The following C10orf67 variants were observed in gnomAD, a reference collection of about 807,000 sequenced individuals.
C10orf67 encodes chromosome 10 open reading frame 67.
Under a neutral mutation model 35.6 loss-of-function variants are expected in C10orf67, and 60 were observed. The ratio of observed to expected loss-of-function variants is 1.68; its 90% CI spans 1.37 to 2.09. C10orf67 has a LOEUF of 2.09. Among genes scored for constraint, C10orf67 ranks in the 30% most tolerant of loss-of-function variants. C10orf67 has a pLI of 0.00. For synonymous variants in C10orf67, 167 were observed against 115.8 expected (o/e 1.44, Z -2.84); for missense variants, 474 against 330.2 (o/e 1.44, Z -3.38).
At chr10:23,334,458 A>T (rs746824624) in intron 1 of C10orf67, among the ~76,000 whole-genome samples, 10 of 152,248 alleles carry the variant, frequency 6.6e-5, no homozygotes, top group Non-Finnish European at 1.5e-4. Flanking sequence ...CAAAGGCAGA[A>T]TGTCTGTGCT....
intron 15 of C10orf67, among the ~76,000 whole-genome samples, chr10:23,213,855 C>T (rs1841371168): frequency 6.6e-6 from 1 of 151,300 alleles, no homozygotes; most frequent in South Asian, 2.1e-4. Context: ...CCAAATATAT[C>T]AATAATCACA....
intron 7 of C10orf67, among the ~76,000 whole-genome samples, chr10:23,284,734 A>G (rs907008362): frequency 2.0e-5 from 3 of 152,022 alleles, no homozygotes; most frequent in Non-Finnish European, 4.4e-5. Flanking sequence ...AAAACCTAAA[A>G]AATCAGCTCC....
At chr10:23,284,341 T>C (rs1843464872) in intron 7 of C10orf67, among the ~76,000 whole-genome samples, 1 of 151,944 alleles carries the variant, frequency 6.6e-6, no homozygotes, top group Admixed American at 6.6e-5. Context: ...TCAGGCTTTA[T>C]GCATTCATAC....
intron 8 of C10orf67, among the ~76,000 whole-genome samples, chr10:23,279,974 C>T (rs1333785696): frequency 1.3e-5 from 2 of 152,026 alleles, no homozygotes; most frequent in African/African-American, 4.8e-5. Flanking sequence ...TCCCACCTAG[C>T]CTCCTGAGTA....
chr10:23,329,836 T>G (rs1845375664), intron 2 of C10orf67, among the ~76,000 whole-genome samples: 1 of 123,330 alleles, frequency 8.1e-6, no homozygotes, highest in Non-Finnish European at 1.8e-5. Flanking sequence ...AGAAAAAAAT[T>G]ATAGGGCAAT....
At chr10:23,246,689 G>A (rs1221058888) in intron 12 of C10orf67, among the ~76,000 whole-genome samples, 1 of 152,134 alleles carries the variant, frequency 6.6e-6, no homozygotes, top group Non-Finnish European at 1.5e-5. Flanking sequence ...GTAACGTCTT[G>A]ACAATCCTGA....
intron 4 of C10orf67, among the ~76,000 whole-genome samples, chr10:23,320,448 A>G (rs534349047): frequency 1.1e-4 from 16 of 152,218 alleles, no homozygotes; most frequent in Non-Finnish European, 2.2e-4. Context: ...CTCTCTTAGG[A>G]CCATCTGACC....
chr10:23,247,836 G>T (rs1215711000), intron 12 of C10orf67, among the ~76,000 whole-genome samples: 1 of 152,210 alleles, frequency 6.6e-6, no homozygotes, highest in Non-Finnish European at 1.5e-5. Context: ...CACTGGATGG[G>T]CAACAGGGAC....
At chr10:23,291,431 G>A (rs531636712) in intron 5 of C10orf67, among the ~76,000 whole-genome samples, 152 bp from the exon 6 acceptor site, 2 of 152,366 alleles carry the variant, frequency 1.3e-5, no homozygotes, top group Admixed American at 6.5e-5. Flanking sequence ...AGCCTAAATA[G>A]AGCTTGCTGG....
At chr10:23,292,716 G>A (rs1017183675) in intron 5 of C10orf67, among the ~76,000 whole-genome samples, 16 of 147,000 alleles carry the variant, frequency 1.1e-4, no homozygotes, top group African/African-American at 3.9e-4. Context: ...AATTACGTAT[G>A]GTATATATAT....
chr10:23,325,679 T>C (rs1208349802), intron 2 of C10orf67, among the ~76,000 whole-genome samples: 1 of 99,238 alleles, frequency 1.0e-5, no homozygotes, highest in Admixed American at 1.1e-4. Context: ...GGATTATATA[T>C]ATAAAAAAAA....
chr10:23,244,250 TTTTG>T (rs1334310123), intron 12 of C10orf67, among the ~76,000 whole-genome samples: 1 of 152,178 alleles, frequency 6.6e-6, no homozygotes, highest in Non-Finnish European at 1.5e-5. Context: ...TTAGAAAATA[TTTTG>T]TTTGAGTGAT....
At chr10:23,291,634 C>T (rs753141642) in intron 5 of C10orf67, among the ~76,000 whole-genome samples, 2 of 152,190 alleles carry the variant, frequency 1.3e-5, no homozygotes, top group Non-Finnish European at 2.9e-5. Context: ...TGCTGTCCGC[C>T]TGTAACTAGG....
intron 15 of C10orf67, among the ~76,000 whole-genome samples, chr10:23,223,067 T>C (rs769979268): frequency 6.8e-6 from 1 of 147,088 alleles, no homozygotes; most frequent in Non-Finnish European, 1.5e-5. Context: ...TCTCTGGTTT[T>C]GAAGTATAAC....
chr10:23,251,966 C>A (rs1368069998), intron 10 of C10orf67, among the ~76,000 whole-genome samples: 1 of 152,108 alleles, frequency 6.6e-6, no homozygotes, highest in Non-Finnish European at 1.5e-5. Context: ...AGTATTTATA[C>A]ATATAATTTG....
intron 2 of C10orf67, among the ~76,000 whole-genome samples, chr10:23,324,715 T>C (rs1335217875): frequency 6.6e-6 from 1 of 152,222 alleles, no homozygotes; most frequent in African/African-American, 2.4e-5. Context: ...AATAGTTCTT[T>C]CTAGAGTCTG....
At chr10:23,280,313 C>T (rs1843332448) in intron 8 of C10orf67, among the ~76,000 whole-genome samples, 1 of 152,224 alleles carries the variant, frequency 6.6e-6, no homozygotes, top group Non-Finnish European at 1.5e-5. Context: ...TACAAAACGA[C>T]TGTGGTCAAC....
intron 13 of C10orf67, among the ~76,000 whole-genome samples, chr10:23,227,628 G>T (rs1205793725): frequency 7.9e-5 from 12 of 152,154 alleles, no homozygotes; most frequent in Non-Finnish European, 5.9e-5. Flanking sequence ...TACTTAATTT[G>T]GAAAAGAGGA....
At chr10:23,258,466 C>A in intron 10 of C10orf67, 1 of 165,908 alleles carries the variant, frequency 6.0e-6, no homozygotes. Flanking sequence ...GTTCTGATCA[C>A]TGGCAATTTG....
Sources: gnomAD v4.1 joint callset for allele counts (sites outside exome capture counted in the v4.1 genomes callset) on GRCh38, gnomAD v4.1.1 for gene constraint, MANE v1.5 for transcripts, NCBI Gene and HGNC (gene_info 2026-07-23, HGNC 2026-07-21) for gene names.